The following LARP4B variants were observed in gnomAD, a reference collection of about 807,000 sequenced individuals.
LARP4B encodes the protein La ribonucleoprotein 4B.
Under a neutral mutation model 89.8 loss-of-function variants are expected in LARP4B, and 12 were observed. That is an observed-to-expected ratio of 0.13 (90% CI 0.09 to 0.22). LARP4B has a LOEUF of 0.22. LARP4B is among the 10% of genes least tolerant of loss of function. The probability of loss-of-function intolerance (pLI) is 1.00; values close to 1 mark genes in which losing one functional copy is unlikely to be tolerated. For missense variants in LARP4B, 757 were observed against 947.7 expected (o/e 0.80, Z 2.64); for synonymous variants, 367 against 363.3 (o/e 1.01, Z -0.12).
intron 1 of LARP4B, among the ~76,000 whole-genome samples, chr10:913,006 A>G (rs962849875): frequency 1.6e-4 from 24 of 152,236 alleles, no homozygotes; most frequent in African/African-American, 4.3e-4. Flanking sequence ...ACATTGGCTT[A>G]AAGTTTACAG....
upstream of LARP4B, among the ~76,000 whole-genome samples, chr10:932,778 A>T (rs1830687615): frequency 8.1e-6 from 1 of 123,298 alleles, no homozygotes; most frequent in Non-Finnish European, 1.7e-5. Context: ...TCCCAACCCC[A>T]CACCCGGGAC....
intron 7 of LARP4B, among the ~76,000 whole-genome samples, chr10:842,607 T>C (rs1236386150): frequency 1.3e-5 from 2 of 152,260 alleles, no homozygotes; most frequent in Non-Finnish European, 2.9e-5. Context: ...AAGTGTATTT[T>C]ACTTTAACTA....
intron 13 of LARP4B, among the ~76,000 whole-genome samples, chr10:824,476 G>A (rs1487239695): frequency 6.6e-6 from 1 of 151,948 alleles, no homozygotes; most frequent in African/African-American, 2.4e-5. Context: ...CTGGGCAACG[G>A]AGTGAGACCC....
intron 11 of LARP4B, among the ~76,000 whole-genome samples, chr10:827,045 G>A (rs187890486): frequency 5.9e-5 from 9 of 152,278 alleles, no homozygotes; most frequent in Admixed American, 1.3e-4. Context: ...GAGGCCAAGG[G>A]GGGGCGGATC....
At chr10:943,501 C>G in the LARP4B span, among the ~76,000 whole-genome samples, 1 of 152,190 alleles carries the variant, frequency 6.6e-6, no homozygotes, top group Non-Finnish European at 1.5e-5. Flanking sequence ...GCGATCATGG[C>G]TCACGGCAGC....
chr10:889,214 T>C (rs1835947249), intron 1 of LARP4B, among the ~76,000 whole-genome samples: 1 of 152,250 alleles, frequency 6.6e-6, no homozygotes. Flanking sequence ...TAGTAGACTT[T>C]ATGAATTTTT....
At chr10:908,495 T>C (rs146510098) in intron 1 of LARP4B, among the ~76,000 whole-genome samples, 551 of 151,534 alleles carry the variant, frequency 3.6e-3, no homozygotes, top group African/African-American at 0.013. Flanking sequence ...GGCGTGGGAG[T>C]GGCATCAGAA....
chr10:931,637 GA>G lies in LARP4B; in HGVS notation c.-250del. 1 of 155,040 alleles carries G rather than the reference GA, an allele frequency of 6.4e-6. No homozygotes were observed. Among genetic ancestry groups the G allele is most frequent in the Non-Finnish European group, 1.4e-5 (1 of 70,352 alleles). The allele number at this position is 155,040 out of a possible 1,614,324, so 9.6% of individuals were successfully genotyped here. ...GGCGGATTCTTCCCCTTTCGGGCCC[GA>G]AAATGTCTCAACCCCGGGACTCCAG... On this transcript the variant is annotated 5_prime_UTR_variant, in exon 1 of 18. Coordinates refer to ENST00000316157, the MANE Select transcript of LARP4B (RefSeq NM_015155.3).
the LARP4B span, among the ~76,000 whole-genome samples, chr10:938,490 T>TAC: frequency 2.2e-4 from 34 of 152,088 alleles, no homozygotes; most frequent in Non-Finnish European, 3.7e-4. Context: ...CCTGCTCTTG[T>TAC]GATCCGCCCG....
At chr10:865,367 T>G (rs911566459) in intron 3 of LARP4B, among the ~76,000 whole-genome samples, 1 of 152,200 alleles carries the variant, frequency 6.6e-6, no homozygotes, top group Non-Finnish European at 1.5e-5. Flanking sequence ...CATGCTCAGT[T>G]AGTCCCACAG....
the LARP4B span, among the ~76,000 whole-genome samples, chr10:943,877 C>T: frequency 1.1e-4 from 17 of 151,984 alleles, no homozygotes; most frequent in African/African-American, 3.4e-4. Flanking sequence ...ACATCAGAGC[C>T]GCTGCTTTAT....
intron 3 of LARP4B, among the ~76,000 whole-genome samples, chr10:881,475 T>C (rs908476408): frequency 7.2e-5 from 11 of 152,196 alleles, no homozygotes; most frequent in Admixed American, 2.0e-4. Flanking sequence ...CCTGCCTCTA[T>C]CTCCACCCCA....
At position 822,924 on chromosome 10, in the gene LARP4B, G is replaced by A. The variant is rs1832432696; in HGVS notation, c.1485-2079C>T. Reference sequence around the variant, plus strand: ...TGGACTCTGGTAAGGGGTTCTCCAGGACATCTTAGCACTTTGGTCCAATAG... The same window carrying A: ...TGGACTCTGGTAAGGGGTTCTCCAGAACATCTTAGCACTTTGGTCCAATAG... On this transcript the variant is annotated intron_variant, in intron 13 of 17. Transcript: ENST00000316157. The surrounding 1 kb of genome is among the most constrained non-coding windows in gnomAD (Gnocchi z 4.6). Among the ~76,000 whole-genome samples, 1 of 152,188 alleles carries A rather than the reference G, an allele frequency of 6.6e-6. No homozygotes were observed. Among genetic ancestry groups the A allele is most frequent in the African/African-American group, 2.4e-5 (1 of 41,440 alleles).
the LARP4B span, among the ~76,000 whole-genome samples, chr10:952,506 G>A: frequency 8.5e-6 from 1 of 117,166 alleles, no homozygotes; most frequent in Non-Finnish European, 1.8e-5. Context: ...CTGCATAACA[G>A]ACAACCTTTA....
intron 1 of LARP4B, among the ~76,000 whole-genome samples, chr10:916,232 A>G (rs1003298224): frequency 3.9e-5 from 6 of 152,190 alleles, no homozygotes; most frequent in African/African-American, 1.4e-4. Flanking sequence ...AAAAATAACC[A>G]AATTTCCTTG....
chr10:896,400 T>A (rs1325088478), intron 1 of LARP4B, among the ~76,000 whole-genome samples: 1 of 152,186 alleles, frequency 6.6e-6, no homozygotes, highest in Non-Finnish European at 1.5e-5. Context: ...GAGGCCAGAT[T>A]TCCTTCACAC....
chr10:913,790 T>TA (rs1836741321), intron 1 of LARP4B, among the ~76,000 whole-genome samples: 1 of 152,146 alleles, frequency 6.6e-6, no homozygotes, highest in Non-Finnish European at 1.5e-5. Flanking sequence ...ACGCCTGTAG[T>TA]CCCAGCTACT....
intron 3 of LARP4B, among the ~76,000 whole-genome samples, chr10:876,773 T>C (rs989323066): frequency 2.2e-4 from 34 of 152,292 alleles, no homozygotes; most frequent in African/African-American, 7.7e-4. Flanking sequence ...AACTCCAAAT[T>C]TCTGCTTGCC....
the LARP4B span, chr10:985,586 G>A: frequency 6.6e-6 from 1 of 152,332 alleles, no homozygotes; most frequent in East Asian, 1.9e-4. Flanking sequence ...CCCGGAGGGT[G>A]GCTCTCATGC....
Sources: allele counts gnomAD v4.1 joint callset (sites outside exome capture counted in the v4.1 genomes callset), GRCh38; gene constraint gnomAD v4.1.1; non-coding constraint Gnocchi (gnomAD v3.1); transcripts MANE v1.5; gene names NCBI Gene and HGNC (gene_info 2026-07-23, HGNC 2026-07-21).